The following COL5A2 variants were observed in gnomAD, a reference collection of about 807,000 sequenced individuals.
COL5A2 encodes the protein collagen type V alpha 2 chain, also known as collagen alpha-2(V) chain.
Under a neutral mutation model 208.2 loss-of-function variants are expected in COL5A2, and 23 were observed. The ratio of observed to expected loss-of-function variants is 0.11; its 90% confidence interval spans 0.08 to 0.16. The LOEUF is 0.16. Among genes scored for constraint, COL5A2 ranks in the 10% least tolerant of loss-of-function variants. The pLI is 1.00. For synonymous variants in COL5A2, 625 were observed against 628.5 expected, an observed-to-expected ratio of 0.99 and a Z score of 0.08; for missense variants, 1,590 against 1,956.4, an observed-to-expected ratio of 0.81 and a Z score of 3.53.
the COL5A2 span, among the ~76,000 whole-genome samples, chr2:189,334,572 C>G: frequency 6.6e-6 from 1 of 151,834 alleles, no homozygotes; most frequent in African/African-American, 2.4e-5. Context: ...AATAATTGCT[C>G]AAAGTAATTA....
chr2:189,120,393 C>T (rs1687476883), intron 1 of COL5A2, among the ~76,000 whole-genome samples: 1 of 152,110 alleles, frequency 6.6e-6, no homozygotes, highest in South Asian at 2.1e-4. Flanking sequence ...TGGAAATCTT[C>T]CTCTGTGTTT....
the COL5A2 span, among the ~76,000 whole-genome samples, chr2:189,245,585 C>T: frequency 2.0e-5 from 3 of 151,134 alleles, no homozygotes; most frequent in East Asian, 5.9e-4. Context: ...CCCGGGTTCA[C>T]GCCATTCTCC....
intron 1 of COL5A2, among the ~76,000 whole-genome samples, chr2:189,191,261 A>G (rs1475082075): frequency 6.6e-6 from 1 of 152,124 alleles, no homozygotes; most frequent in African/African-American, 2.4e-5. Flanking sequence ...AGCAGGGACT[A>G]AAAACCTATC....
chr2:189,050,788 T>G (rs1417441077), intron 42 of COL5A2, 112 bp from the exon 43 acceptor site: 19 of 859,010 alleles, frequency 2.2e-5, no homozygotes, highest in Non-Finnish European at 3.4e-5. Flanking sequence ...AAAAAGAAGT[T>G]CTCTGTTTCT....
chr2:189,206,808 C>A (rs908427751), intron 1 of COL5A2, among the ~76,000 whole-genome samples: 2 of 152,170 alleles, frequency 1.3e-5, no homozygotes, highest in Non-Finnish European at 2.9e-5. Context: ...ATTTGGATAA[C>A]AATGACACAT....
At chr2:189,065,190 T>G (rs183844004) in intron 23 of COL5A2, 133 bp from the exon 24 acceptor site, 1 of 803,028 alleles carries the variant, frequency 1.2e-6, no homozygotes, top group East Asian at 2.7e-5. Flanking sequence ...TAGATATGCA[T>G]GAGAAAAATC....
chr2:189,320,536 C>T, the COL5A2 span, among the ~76,000 whole-genome samples: 28 of 152,040 alleles, frequency 1.8e-4, no homozygotes, highest in African/African-American at 5.5e-4. Flanking sequence ...CTTCAGTAGC[C>T]GACTCGATCA....
intron 6 of COL5A2, among the ~76,000 whole-genome samples, chr2:189,094,385 T>C (rs1425915157): frequency 1.3e-5 from 2 of 152,140 alleles, no homozygotes; most frequent in African/African-American, 4.8e-5. Flanking sequence ...ATAATTCTTA[T>C]ATTAAGGTAA....
At chr2:189,361,644 CATTTT>C in the COL5A2 span, among the ~76,000 whole-genome samples, 2 of 151,778 alleles carry the variant, frequency 1.3e-5, no homozygotes, top group African/African-American at 4.8e-5. Flanking sequence ...TTACTATTGC[CATTTT>C]ATTACATGTT....
chr2:189,109,966 A>G (rs969189805), intron 2 of COL5A2, among the ~76,000 whole-genome samples: 1 of 152,220 alleles, frequency 6.6e-6, no homozygotes, highest in Non-Finnish European at 1.5e-5. Flanking sequence ...TAAGTGATTC[A>G]AGAAATTCTC....
chr2:189,256,381 C>T, the COL5A2 span, among the ~76,000 whole-genome samples: 1 of 152,246 alleles, frequency 6.6e-6, no homozygotes, highest in South Asian at 2.1e-4. Flanking sequence ...AGCAGTATTA[C>T]CCAAGGCTTC....
In COL5A2 at chr2:189,053,739, T is replaced by C. The variant is rs1441328016; in HGVS notation, c.2499+156A>G. Among the ~76,000 whole-genome samples the C allele has an allele frequency of 1.3e-5, 2 of 152,168 alleles. 1 individual carries two copies. Among genetic ancestry groups the C allele is most frequent in the South Asian group, 4.1e-4 (2 of 4,832 alleles). ...ACTTAATAGATTGTATAGCAGATAATTTTTAAGTTTAATTAGAAAAGCAAA... is the reference window on the plus strand; with the variant it reads ...ACTTAATAGATTGTATAGCAGATAACTTTTAAGTTTAATTAGAAAAGCAAA... On this transcript the variant is annotated intron_variant, in intron 37 of 53. Transcript: ENST00000374866.
At chr2:189,350,523 A>G in the COL5A2 span, among the ~76,000 whole-genome samples, 15 of 152,202 alleles carry the variant, frequency 9.9e-5, no homozygotes, top group African/African-American at 3.4e-4. Flanking sequence ...TTCCAAGCCA[A>G]TATCATTCCA....
chr2:189,304,206 A>G, the COL5A2 span, among the ~76,000 whole-genome samples: 15 of 152,240 alleles, frequency 9.9e-5, no homozygotes, highest in East Asian at 2.9e-3. Flanking sequence ...GTTGTCTTGG[A>G]TTTCATAAGT....
At chr2:189,341,092 T>C in the COL5A2 span, among the ~76,000 whole-genome samples, 2 of 152,186 alleles carry the variant, frequency 1.3e-5, no homozygotes, top group Non-Finnish European at 2.9e-5. Flanking sequence ...TATATGCATT[T>C]AAGATAAGAA....
the COL5A2 span, among the ~76,000 whole-genome samples, chr2:189,380,603 T>C: frequency 1.3e-5 from 2 of 151,822 alleles, no homozygotes; most frequent in African/African-American, 4.8e-5. Flanking sequence ...AATTTATACA[T>C]GTATTTATGC....
intron 1 of COL5A2, among the ~76,000 whole-genome samples, chr2:189,202,596 A>G (rs971910067): frequency 6.6e-6 from 1 of 152,170 alleles, no homozygotes; most frequent in Non-Finnish European, 1.5e-5. Context: ...ACTGAGCAAA[A>G]GAAAGAATGA....
chr2:189,094,529 G>C (rs1009148687), intron 6 of COL5A2, among the ~76,000 whole-genome samples: 1 of 138,500 alleles, frequency 7.2e-6, no homozygotes, highest in African/African-American at 2.6e-5. Context: ...AAAGACGAAT[G>C]ACCGGGAACT....
intron 1 of COL5A2, among the ~76,000 whole-genome samples, chr2:189,224,093 G>A (rs1689381815): frequency 6.6e-6 from 1 of 151,592 alleles, no homozygotes; most frequent in African/African-American, 2.4e-5. Flanking sequence ...GAGAGAAGAA[G>A]AAAAAGATGA....
Sources: gnomAD v4.1 joint callset for allele counts (sites outside exome capture counted in the v4.1 genomes callset) on GRCh38, gnomAD v4.1.1 for gene constraint, MANE v1.5 for transcripts, NCBI Gene and HGNC (gene_info 2026-07-23, HGNC 2026-07-21) for gene names.